DENND5B: variants seen among roughly 807,000 people sequenced by gnomAD.
DENND5B encodes the protein DENN domain-containing protein 5B.
In DENND5B, 34 loss-of-function variants were observed where a neutral mutation model predicts 140.6. That is an observed-to-expected ratio of 0.24 (90% CI 0.18 to 0.32). The LOEUF (loss-of-function observed/expected upper bound fraction) is 0.32. Among genes scored for constraint, DENND5B ranks in the 10% least tolerant of loss-of-function variants. The pLI is 1.00. For synonymous variants in DENND5B, 551 were observed against 562.1 expected, an observed-to-expected ratio of 0.98 and a Z score of 0.28; for missense variants, 1,142 against 1,560.2, an observed-to-expected ratio of 0.73 and a Z score of 4.52.
At chr12:31,452,771 C>A (rs1305038640) in intron 4 of DENND5B, among the ~76,000 whole-genome samples, 1 of 152,136 alleles carries the variant, frequency 6.6e-6, no homozygotes, top group African/African-American at 2.4e-5. Context: ...AAAATAACCT[C>A]TTTTTCCATC....
At chr12:31,400,837 G>GTTTTTT (rs368442172) in intron 15 of DENND5B, among the ~76,000 whole-genome samples, 2 of 113,970 alleles carry the variant, frequency 1.8e-5, no homozygotes, top group African/African-American at 3.1e-5. Flanking sequence ...AGAGCTACGA[G>GTTTTTT]TTTTTTTTTT....
At chr12:31,515,007 T>C (rs897792769) in intron 1 of DENND5B, among the ~76,000 whole-genome samples, 1 of 152,092 alleles carries the variant, frequency 6.6e-6, no homozygotes, top group Non-Finnish European at 1.5e-5. Flanking sequence ...CCTGCAGTCC[T>C]AGCTACTCAA....
At chr12:31,580,275 C>A (rs148857706) in intron 1 of DENND5B, among the ~76,000 whole-genome samples, 15 of 151,792 alleles carry the variant, frequency 9.9e-5, no homozygotes, top group Admixed American at 9.8e-4. Context: ...CTTGCATATA[C>A]CTGGTAAAAA....
intron 3 of DENND5B, among the ~76,000 whole-genome samples, chr12:31,463,290 CCAA>C (rs72514170): frequency 0.56 from 84,608 of 151,298 alleles, 24,151 homozygotes; most frequent in East Asian, 0.82. Flanking sequence ...AACAAAAAAC[CCAA>C]CAACAACAAC....
chr12:31,459,905 T>A (rs1375984463), intron 4 of DENND5B, among the ~76,000 whole-genome samples: 1 of 152,078 alleles, frequency 6.6e-6, no homozygotes, highest in Non-Finnish European at 1.5e-5. Context: ...AGAAAAAAAA[T>A]ATGTTACTAG....
chr12:31,496,916 A>C (rs559334931), intron 1 of DENND5B, among the ~76,000 whole-genome samples: 163 of 152,282 alleles, frequency 1.1e-3, no homozygotes, highest in Non-Finnish European at 2.1e-3. Context: ...AGATCTTGCA[A>C]CAATTTTATT....
intron 4 of DENND5B, among the ~76,000 whole-genome samples, chr12:31,457,554 T>A (rs977413827): frequency 1.3e-5 from 2 of 152,222 alleles, no homozygotes; most frequent in East Asian, 1.9e-4. Flanking sequence ...GTCATTTTTT[T>A]AAATGACTAT....
intron 1 of DENND5B, among the ~76,000 whole-genome samples, chr12:31,561,509 G>C (rs1949473996): frequency 6.6e-6 from 1 of 152,064 alleles, no homozygotes; most frequent in Non-Finnish European, 1.5e-5. Context: ...GCCTGCAACA[G>C]TTCATCTCTA....
Position 31,517,010 on chromosome 12 carries a change from A to G in DENND5B, c.128-21091T>C, listed in dbSNP as rs111772945. ...GAAATAATTAACACTGTGTGTAGATACCTTCCCTCCTGAATTCAACAAATG... is the reference window on the plus strand; with the variant it reads ...GAAATAATTAACACTGTGTGTAGATGCCTTCCCTCCTGAATTCAACAAATG... On this transcript the variant is annotated intron_variant, in intron 1 of 20. Coordinates refer to ENST00000389082, the MANE Select transcript of DENND5B (RefSeq NM_144973.4). Among the ~76,000 whole-genome samples, 843 of 122,658 alleles carry G rather than the reference A, an allele frequency of 6.9e-3. 8 individuals carry two copies. The highest frequency in any genetic ancestry group is 0.023 in the African/African-American group (788 of 34,580). The allele number at this position is 122,658 out of a possible 152,430, so 80.5% of individuals were successfully genotyped here. A position where few individuals can be genotyped will look rare whatever the true frequency, so the allele number is the denominator to read the frequency against.
chr12:31,461,982 AC>A (rs1945040952), intron 3 of DENND5B, among the ~76,000 whole-genome samples: 1 of 152,194 alleles, frequency 6.6e-6, no homozygotes, highest in Non-Finnish European at 1.5e-5. Context: ...ATTTTAAATG[AC>A]TACCTTTTTG....
chr12:31,464,871 G>A (rs917302398), intron 3 of DENND5B, among the ~76,000 whole-genome samples: 1 of 152,006 alleles, frequency 6.6e-6, no homozygotes, highest in Non-Finnish European at 1.5e-5. Flanking sequence ...GGACATATCT[G>A]TATTTCTAAT....
intron 3 of DENND5B, among the ~76,000 whole-genome samples, chr12:31,473,338 T>C (rs1251017046): frequency 6.6e-6 from 1 of 152,220 alleles, no homozygotes; most frequent in Non-Finnish European, 1.5e-5. Flanking sequence ...AATTGGAATG[T>C]TTAAACACAC....
In DENND5B at chr12:31,396,053, C is replaced by CCTGTTTTTTTTTTTT. The variant is rs1399702795; in HGVS notation, c.3256+2121_3256+2122insAAAAAAAAAAAACAG. Among the ~76,000 whole-genome samples the CCTGTTTTTTTTTTTT allele has an allele frequency of 3.9e-5, 4 of 102,844 alleles. 1 individual carries two copies. Among genetic ancestry groups the CCTGTTTTTTTTTTTT allele is most frequent in the Non-Finnish European group, 5.8e-5 (3 of 51,544 alleles). The allele number at this position is 102,844 out of a possible 152,430, so 67.5% of individuals were successfully genotyped here. A position where few individuals can be genotyped will look rare whatever the true frequency, so the allele number is the denominator to read the frequency against. ...TAGCTTCTGGTGGCTGTTGGCATTC[C>CCTGTTTTTTTTTTTT]TTGTTTTTTTTTTTTTTTTTTTTTT... On this transcript the variant is annotated intron_variant, in intron 17 of 20. Coordinates refer to ENST00000389082, the MANE Select transcript of DENND5B (RefSeq NM_144973.4).
intron 3 of DENND5B, among the ~76,000 whole-genome samples, chr12:31,467,362 C>T (rs181042719): frequency 6.6e-6 from 1 of 152,138 alleles, no homozygotes; most frequent in Admixed American, 6.5e-5. Context: ...CAGTGGCTCA[C>T]ACCTATAATC....
chr12:31,530,181 T>C (rs1024986241), intron 1 of DENND5B, among the ~76,000 whole-genome samples: 21 of 152,170 alleles, frequency 1.4e-4, no homozygotes, highest in Admixed American at 6.6e-5. Flanking sequence ...GAGACCAGCC[T>C]GGCCAACATG....
Position 31,424,602 on chromosome 12 carries a change from T to C in DENND5B, c.2324A>G (p.Asn775Ser). 1 of 1,613,950 alleles carries C rather than the reference T, an allele frequency of 6.2e-7. No individual in the cohort carries two copies. Among genetic ancestry groups the C allele is most frequent in the Non-Finnish European group, 8.5e-7 (1 of 1,179,890 alleles). ...GTCACAAAGGCTGGCGATCAAGGTG[T>C]TCTCCTCCAGGCCGGTGATGTTTGC... ...GEANITGLEE[N>S]TLIASLCDLL... The change falls in exon 10 of 21, where the codon AAC (asparagine) becomes AGC (serine). Residue 775 changes from asparagine to serine, a missense_variant. Around this residue, in one of 5 missense-constraint regions of DENND5B, gnomAD observed 33 missense variants for 90.8 expected, o/e 0.36. Coordinates refer to ENST00000389082, the MANE Select transcript of DENND5B (RefSeq NM_144973.4).
At position 31,479,940 on chromosome 12, in the gene DENND5B, T is replaced by C. The variant is rs891628045; in HGVS notation, c.553A>G (p.Thr185Ala). Residue 185 changes from threonine to alanine, a missense_variant, in exon 3 of 21, where the codon ACC becomes GCC. Around this residue, in one of 5 missense-constraint regions of DENND5B, gnomAD observed 708 missense variants for 905.5 expected, o/e 0.78. Coordinates refer to ENST00000389082, the MANE Select transcript of DENND5B (RefSeq NM_144973.4). Reference sequence around the variant, plus strand: ...CATATACTTTTTGAAACATACAGGGTGTCTCTGCTAATATCATAGGAGTTG... The same window carrying C: ...CATATACTTTTTGAAACATACAGGGCGTCTCTGCTAATATCATAGGAGTTG... ...RYNSYDISRD[T>A]LYVSKSICLI... is the part of the protein sequence containing the mutation. The C allele has an allele frequency of 6.2e-6, 10 of 1,613,888 alleles. No homozygotes were observed. In the African/African-American group the frequency reaches 1.1e-4, roughly 17 times the overall value.
intron 19 of DENND5B, among the ~76,000 whole-genome samples, chr12:31,389,728 A>G (rs189453895): frequency 1.4e-3 from 220 of 152,344 alleles, no homozygotes; most frequent in African/African-American, 5.2e-3. Flanking sequence ...AGAAGACTGG[A>G]AAGTTTACTC....
At chr12:31,477,977 T>A (rs1311730774) in intron 3 of DENND5B, 3 of 218,076 alleles carry the variant, frequency 1.4e-5, no homozygotes, top group Non-Finnish European at 3.2e-5. Flanking sequence ...CAGAAAGCAA[T>A]TAACTCCTAA....
Sources: allele counts gnomAD v4.1 joint callset (sites outside exome capture counted in the v4.1 genomes callset), GRCh38; gene constraint gnomAD v4.1.1; regional missense constraint gnomAD v4.1.1; transcripts MANE v1.5; gene names NCBI Gene and HGNC (gene_info 2026-07-23, HGNC 2026-07-21).